The following STX18 variants were observed in gnomAD, a reference collection of about 807,000 sequenced individuals.
STX18 encodes the protein syntaxin 18.
Under a neutral mutation model 50.1 loss-of-function variants are expected in STX18, and 40 were observed. That is an observed-to-expected ratio of 0.80 (90% CI 0.62 to 1.04). The LOEUF is 1.04. Ranked by LOEUF, STX18 falls within the 50% of genes least tolerant of loss-of-function variation. The pLI, the probability that STX18 is intolerant of heterozygous loss-of-function variation, is 0.00. For missense variants in STX18, 410 were observed against 415.8 expected (o/e 0.99, Z 0.12); for synonymous variants, 158 against 151.8 (o/e 1.04, Z -0.30).
Position 4,516,953 on chromosome 4 carries a change from G to C in STX18, c.168+24844C>G, listed in dbSNP as rs140813221. Reference sequence around the variant, plus strand: ...ATTTCCAAACATCCCATATTAAAACGATTTATGCAATAGCGCTATACACAA... The same window carrying C: ...ATTTCCAAACATCCCATATTAAAACCATTTATGCAATAGCGCTATACACAA... On this transcript the variant is annotated intron_variant, in intron 1 of 10. Transcript: ENST00000306200. 3.3e-5 allele frequency among the ~76,000 whole-genome samples: 5 copies of C among 152,236 alleles called. No individual in the cohort carries two copies. In the East Asian group the frequency reaches 9.6e-4, roughly 29 times the overall value.
At chr4:4,488,869 T>C (rs1728809989) in intron 1 of STX18, among the ~76,000 whole-genome samples, 2 of 152,124 alleles carry the variant, frequency 1.3e-5, no homozygotes, top group African/African-American at 4.8e-5. Flanking sequence ...ATCAAAACTG[T>C]TACCTTGTTC....
chr4:4,503,481 C>T (rs1447888703), intron 1 of STX18, among the ~76,000 whole-genome samples: 2 of 152,070 alleles, frequency 1.3e-5, no homozygotes, highest in African/African-American at 2.4e-5. Context: ...GACTTTCAGT[C>T]TTCACTGGAA....
At chr4:4,509,831 T>C (rs1048846446) in intron 1 of STX18, among the ~76,000 whole-genome samples, 2 of 152,076 alleles carry the variant, frequency 1.3e-5, no homozygotes, top group African/African-American at 4.8e-5. Flanking sequence ...GTAAAAGTTA[T>C]GCAGGCAGGT....
rs536872798 is a variant in STX18 at position 4,542,033 on chromosome 4, C to G, written c.-69G>C. 3.4e-6 allele frequency: 5 copies of G among 1,466,994 alleles called. No homozygotes were observed. The highest frequency in any genetic ancestry group is 1.4e-5 in the South Asian group (1 of 72,094). The allele number at this position is 1,466,994 out of a possible 1,614,324, so 90.9% of individuals were successfully genotyped here. A position where few individuals can be genotyped will look rare whatever the true frequency, so the allele number is the denominator to read the frequency against. On this transcript the variant is annotated 5_prime_UTR_variant, in exon 1 of 11. Coordinates refer to ENST00000306200, the MANE Select transcript of STX18 (RefSeq NM_016930.4). Reference sequence around the variant, plus strand: ...GCAGCCGGCGACCGCGGCGCGAACCCGGCCGCTGAAGGACTGGTCCTGCCC... The same window carrying G: ...GCAGCCGGCGACCGCGGCGCGAACCGGGCCGCTGAAGGACTGGTCCTGCCC...
At chr4:4,481,998 TCA>T (rs1728486288) in intron 1 of STX18, among the ~76,000 whole-genome samples, 1 of 152,204 alleles carries the variant, frequency 6.6e-6, no homozygotes, top group Non-Finnish European at 1.5e-5. Flanking sequence ...TCACCAGGCC[TCA>T]CCAAACTCGG....
intron 1 of STX18, among the ~76,000 whole-genome samples, chr4:4,498,727 T>G (rs1235534252): frequency 6.6e-6 from 1 of 152,194 alleles, no homozygotes; most frequent in African/African-American, 2.4e-5. Flanking sequence ...ATTATATTCA[T>G]GTAAGCATAA....
At chr4:4,422,413 C>T (rs1725014610) in intron 9 of STX18, among the ~76,000 whole-genome samples, 1 of 151,474 alleles carries the variant, frequency 6.6e-6, no homozygotes, top group African/African-American at 2.4e-5. Context: ...CTAAAAATAC[C>T]AAAATTAGCC....
intron 7 of STX18, among the ~76,000 whole-genome samples, chr4:4,430,794 T>C (rs999909862): frequency 6.6e-6 from 1 of 152,216 alleles, no homozygotes; most frequent in Non-Finnish European, 1.5e-5. Context: ...CTGGGTGCTC[T>C]TACAGGTGCT....
intron 1 of STX18, among the ~76,000 whole-genome samples, chr4:4,492,400 G>A (rs553307420): frequency 1.2e-4 from 18 of 152,136 alleles, no homozygotes; most frequent in African/African-American, 2.2e-4. Context: ...GAAAGGATTC[G>A]CTCAGGGACT....
intron 1 of STX18, among the ~76,000 whole-genome samples, chr4:4,524,127 TG>T (rs1453589122): frequency 6.6e-6 from 1 of 152,236 alleles, no homozygotes; most frequent in African/African-American, 2.4e-5. Context: ...GTTGTATGCC[TG>T]GCATATAGTT....
chr4:4,489,847 C>T (rs1728867282), intron 1 of STX18, among the ~76,000 whole-genome samples: 1 of 152,166 alleles, frequency 6.6e-6, no homozygotes, highest in Admixed American at 6.5e-5. Flanking sequence ...GATTTTGAGA[C>T]TCAAATTATA....
chr4:4,425,137 C>T (rs973274034), intron 8 of STX18, 27 bp downstream of exon 8: 1 of 1,598,074 alleles, frequency 6.3e-7, no homozygotes, highest in Non-Finnish European at 8.6e-7. Flanking sequence ...AGCAGGCTAT[C>T]AGCTCACAGA....
intron 1 of STX18, among the ~76,000 whole-genome samples, chr4:4,493,824 C>T (rs1729050675): frequency 6.6e-6 from 1 of 152,180 alleles, no homozygotes; most frequent in Non-Finnish European, 1.5e-5. Context: ...GGAATATCTT[C>T]ATTCCCCTCT....
At chr4:4,448,521 T>C (rs1485106248) in intron 5 of STX18, among the ~76,000 whole-genome samples, 1 of 152,102 alleles carries the variant, frequency 6.6e-6, no homozygotes, top group East Asian at 1.9e-4. Flanking sequence ...TTTGTATTTT[T>C]AGTGGAGGTG....
rs867640246 is a variant in STX18, at chr4:4,441,032, C to G, written c.498-2523G>C. Among the ~76,000 whole-genome samples, 8 of 152,310 alleles carry G rather than the reference C, an allele frequency of 5.3e-5. 1 individual carries two copies. The Middle Eastern group carries it at 0.02, about 389-fold the overall frequency. ...CACACACATGGCTAGCAAGTTGGTG[C>G]TTGCTGGGAGCCTCATTTCTTCTTC... On this transcript the variant is annotated intron_variant, in intron 5 of 10. Coordinates refer to ENST00000306200, the MANE Select transcript of STX18 (RefSeq NM_016930.4).
At chr4:4,518,459 C>T (rs1426248686) in intron 1 of STX18, among the ~76,000 whole-genome samples, 2 of 152,132 alleles carry the variant, frequency 1.3e-5, no homozygotes, top group East Asian at 3.9e-4. Context: ...AAACTGAGTG[C>T]AACAAGCCAA....
At chr4:4,460,475 C>A (rs1046403444) in intron 2 of STX18, among the ~76,000 whole-genome samples, 1 of 152,024 alleles carries the variant, frequency 6.6e-6, no homozygotes, top group Non-Finnish European at 1.5e-5. Context: ...GGGAATACAT[C>A]CATCCTGAGG....
chr4:4,433,267 G>C (rs965836635), intron 7 of STX18, among the ~76,000 whole-genome samples: 1 of 152,132 alleles, frequency 6.6e-6, no homozygotes, highest in East Asian at 1.9e-4. Flanking sequence ...AGTAATAACT[G>C]AACACTAGAA....
At chr4:4,518,151 TATAA>T (rs1730366127) in intron 1 of STX18, among the ~76,000 whole-genome samples, 1 of 152,212 alleles carries the variant, frequency 6.6e-6, no homozygotes, top group Non-Finnish European at 1.5e-5. Flanking sequence ...TTAAATCTAT[TATAA>T]ATGTGTTAAA....
Sources: gnomAD v4.1 joint callset for allele counts (sites outside exome capture counted in the v4.1 genomes callset) on GRCh38, gnomAD v4.1.1 for gene constraint, MANE v1.5 for transcripts, NCBI Gene and HGNC (gene_info 2026-07-23, HGNC 2026-07-21) for gene names.